Variants in PPM1L observed in about 807,000 individuals in gnomAD.
PPM1L encodes protein phosphatase, Mg2+/Mn2+ dependent 1L, also known as protein phosphatase 1L.
In PPM1L, 13 loss-of-function variants were observed where a neutral mutation model predicts 31.4. The ratio of observed to expected loss-of-function variants is 0.41; its 90% CI spans 0.27 to 0.66. PPM1L has a LOEUF of 0.66. PPM1L is among the 30% of genes least tolerant of loss of function. PPM1L has a pLI of 0.29. For synonymous variants in PPM1L, 184 were observed against 175.4 expected (o/e 1.05, Z -0.39); for missense variants, 326 against 453.7 (o/e 0.72, Z 2.56).
intron 1 of PPM1L, among the ~76,000 whole-genome samples, chr3:160,855,424 A>G (rs1711659126): frequency 6.6e-6 from 1 of 152,238 alleles, no homozygotes; most frequent in African/African-American, 2.4e-5. Flanking sequence ...AACTATCCAT[A>G]GAGTAAACCA....
intron 2 of PPM1L, among the ~76,000 whole-genome samples, chr3:160,964,276 C>T (rs1049846182): frequency 1.3e-5 from 2 of 151,358 alleles, no homozygotes; most frequent in Non-Finnish European, 3.0e-5. Flanking sequence ...TATTGTTGAC[C>T]AGAAGCCTTA....
At chr3:160,978,987 A>G (rs1169540314) in intron 2 of PPM1L, among the ~76,000 whole-genome samples, 3 of 152,074 alleles carry the variant, frequency 2.0e-5, no homozygotes, top group African/African-American at 7.2e-5. Context: ...CTCTATATTG[A>G]ACATGTAGAA....
chr3:160,985,981 C>CCAAA (rs1553752452), intron 2 of PPM1L, among the ~76,000 whole-genome samples: 2 of 149,034 alleles, frequency 1.3e-5, no homozygotes, highest in Middle Eastern at 3.4e-3. Flanking sequence ...TCCACCCACC[C>CCAAA]AAAAAAAAAA....
intron 2 of PPM1L, among the ~76,000 whole-genome samples, chr3:161,012,390 C>G (rs1026788465): frequency 1.1e-4 from 16 of 152,106 alleles, no homozygotes; most frequent in Non-Finnish European, 2.2e-4. Context: ...GGTGGATAAG[C>G]TTTTTGATGT....
intron 1 of PPM1L, among the ~76,000 whole-genome samples, chr3:160,837,392 T>C (rs774604477): frequency 2.6e-5 from 4 of 152,188 alleles, no homozygotes; most frequent in Non-Finnish European, 5.9e-5. Flanking sequence ...AAACATGAGT[T>C]TGTAAAGACA....
At chr3:160,820,837 A>G (rs935902903) in intron 1 of PPM1L, among the ~76,000 whole-genome samples, 12 of 152,084 alleles carry the variant, frequency 7.9e-5, no homozygotes, top group Non-Finnish European at 1.5e-4. Flanking sequence ...CTATATGCCA[A>G]TGTTCCTATG....
At chr3:161,003,726 A>G (rs1337084551) in intron 2 of PPM1L, among the ~76,000 whole-genome samples, 2 of 152,314 alleles carry the variant, frequency 1.3e-5, no homozygotes, top group East Asian at 3.9e-4. Flanking sequence ...CTATCAGCTT[A>G]AGGAGATTTT....
chr3:160,766,634 A>G (rs1368529089), intron 1 of PPM1L, among the ~76,000 whole-genome samples: 1 of 151,936 alleles, frequency 6.6e-6, no homozygotes, highest in Admixed American at 6.6e-5. Context: ...TAAATTACCC[A>G]ATCTCAGGTA....
At chr3:160,852,224 G>C (rs1360547346) in intron 1 of PPM1L, among the ~76,000 whole-genome samples, 1 of 152,180 alleles carries the variant, frequency 6.6e-6, no homozygotes, top group Non-Finnish European at 1.5e-5. Context: ...GGCTAGAGAA[G>C]CTGGGGCAGC....
intron 1 of PPM1L, among the ~76,000 whole-genome samples, chr3:160,898,805 G>A (rs893276561): frequency 1.3e-5 from 2 of 152,152 alleles, no homozygotes; most frequent in African/African-American, 2.4e-5. Flanking sequence ...CCTGCTCAAC[G>A]TTTTATGTTC....
chr3:160,952,966 G>C (rs1218928372), intron 1 of PPM1L, among the ~76,000 whole-genome samples: 1 of 152,264 alleles, frequency 6.6e-6, no homozygotes, highest in East Asian at 1.9e-4. Context: ...AGGGGGAAAG[G>C]TAATTTATAA....
chr3:160,934,117 A>C (rs1355907425), intron 1 of PPM1L, among the ~76,000 whole-genome samples: 1 of 152,220 alleles, frequency 6.6e-6, no homozygotes, highest in Admixed American at 6.5e-5. Flanking sequence ...CTGGATGATC[A>C]ATTTTTTAAA....
chr3:160,773,725 T>C (rs1711503025), intron 1 of PPM1L, among the ~76,000 whole-genome samples: 1 of 152,188 alleles, frequency 6.6e-6, no homozygotes, highest in Non-Finnish European at 1.5e-5. Context: ...ATCTGACACT[T>C]TTTCAGACTT....
At chr3:161,025,544 C>G (rs1266383655) in intron 2 of PPM1L, among the ~76,000 whole-genome samples, 1 of 150,940 alleles carries the variant, frequency 6.6e-6, no homozygotes, top group African/African-American at 2.4e-5. Flanking sequence ...TGCACCTTAG[C>G]CTGGATGACA....
chr3:160,811,778 G>A (rs557058747), intron 1 of PPM1L, among the ~76,000 whole-genome samples: 1 of 152,326 alleles, frequency 6.6e-6, no homozygotes, highest in African/African-American at 2.4e-5. Flanking sequence ...CCTCAGAGTA[G>A]ACTCAGTGCC....
intron 1 of PPM1L, among the ~76,000 whole-genome samples, chr3:160,926,235 A>G (rs1402048468): frequency 6.6e-6 from 1 of 152,218 alleles, no homozygotes; most frequent in African/African-American, 2.4e-5. Flanking sequence ...GGAGGGCTGC[A>G]GCAGCAGCCT....
At chr3:160,792,618 C>T (rs1712137598) in intron 1 of PPM1L, among the ~76,000 whole-genome samples, 1 of 152,174 alleles carries the variant, frequency 6.6e-6, no homozygotes, top group African/African-American at 2.4e-5. Flanking sequence ...GTGCAGACTT[C>T]AGAGGCTGAG....
At chr3:160,928,721 A>G (rs1714682853) in intron 1 of PPM1L, among the ~76,000 whole-genome samples, 1 of 152,162 alleles carries the variant, frequency 6.6e-6, no homozygotes, top group Non-Finnish European at 1.5e-5. Context: ...AGAGGGCTGG[A>G]GGGAACTAGC....
At chr3:161,045,747 C>T (rs1367638608) in intron 2 of PPM1L, among the ~76,000 whole-genome samples, 1 of 152,018 alleles carries the variant, frequency 6.6e-6, no homozygotes, top group Non-Finnish European at 1.5e-5. Flanking sequence ...CAAAAGCTAG[C>T]AGAAGGCAAG....
Sources: gnomAD v4.1 joint callset for allele counts (sites outside exome capture counted in the v4.1 genomes callset) on GRCh38, gnomAD v4.1.1 for gene constraint, MANE v1.5 for transcripts, NCBI Gene and HGNC (gene_info 2026-07-23, HGNC 2026-07-21) for gene names.